Variants in LTBP1 observed in about 807,000 individuals in gnomAD.
LTBP1 encodes latent-transforming growth factor beta-binding protein 1.
LTBP1 carries 129 observed loss-of-function variants against 207.6 expected under a neutral mutation model. The ratio of observed to expected loss-of-function variants is 0.62; its 90% CI spans 0.54 to 0.72. LTBP1 has a LOEUF of 0.72. Ranked by LOEUF, LTBP1 falls within the 30% of genes least tolerant of loss-of-function variation. The pLI, the probability that LTBP1 is intolerant of heterozygous loss-of-function variation, is 0.00. For missense variants in LTBP1, 2,281 were observed against 2,217.2 expected (o/e 1.03, Z -0.58); for synonymous variants, 963 against 833.7 (o/e 1.16, Z -2.67).
intron 3 of LTBP1, among the ~76,000 whole-genome samples, chr2:33,084,041 G>A (rs1185836565): frequency 6.6e-6 from 1 of 152,158 alleles, no homozygotes; most frequent in Non-Finnish European, 1.5e-5. Context: ...TGCATTACAG[G>A]TGGAGGAATC....
At chr2:33,147,379 A>T (rs1279879871) in intron 5 of LTBP1, among the ~76,000 whole-genome samples, 1 of 152,174 alleles carries the variant, frequency 6.6e-6, no homozygotes, top group Non-Finnish European at 1.5e-5. Context: ...TTCTGGGTAG[A>T]GCCTGAGATT....
intron 3 of LTBP1, among the ~76,000 whole-genome samples, chr2:33,039,701 A>T (rs896139782): frequency 1.3e-5 from 2 of 152,220 alleles, no homozygotes; most frequent in African/African-American, 4.8e-5. Flanking sequence ...ATAGTCAATT[A>T]AATTAAATTG....
intron 3 of LTBP1, among the ~76,000 whole-genome samples, chr2:33,072,491 T>A (rs537099225): frequency 1.6e-4 from 24 of 152,274 alleles, no homozygotes; most frequent in African/African-American, 5.5e-4. Flanking sequence ...CCTTAGGACC[T>A]GCAATCAGAC....
intron 5 of LTBP1, among the ~76,000 whole-genome samples, chr2:33,158,888 G>A (rs2084223539): frequency 6.6e-6 from 1 of 152,142 alleles, no homozygotes; most frequent in Non-Finnish European, 1.5e-5. Context: ...TCAAAATGAT[G>A]CACAGAGTGT....
intron 12 of LTBP1, among the ~76,000 whole-genome samples, 194 bp from the exon 13 acceptor site, chr2:33,259,394 A>G (rs1271674094): frequency 6.6e-6 from 1 of 152,234 alleles, no homozygotes. Context: ...GAGGAGTAAC[A>G]GCACTGAGAG....
intron 22 of LTBP1, among the ~76,000 whole-genome samples, chr2:33,308,505 T>C (rs565557618): frequency 6.6e-6 from 1 of 152,288 alleles, no homozygotes; most frequent in South Asian, 2.1e-4. Context: ...TACTGTGAAA[T>C]TTACTATAAG....
At chr2:33,100,518 A>G (rs1031359455) in intron 3 of LTBP1, among the ~76,000 whole-genome samples, 1 of 149,134 alleles carries the variant, frequency 6.7e-6, no homozygotes, top group African/African-American at 2.5e-5. Context: ...TGCCTTTTTT[A>G]TGTAGTTTTA....
intron 6 of LTBP1, among the ~76,000 whole-genome samples, chr2:33,188,133 A>T (rs2148830461): frequency 6.6e-6 from 1 of 152,300 alleles, no homozygotes; most frequent in Middle Eastern, 3.4e-3. Flanking sequence ...AAGAATTGTG[A>T]TGGCTGGCTG....
chr2:32,990,631 A>C (rs1462681768), intron 2 of LTBP1, among the ~76,000 whole-genome samples: 2 of 152,232 alleles, frequency 1.3e-5, no homozygotes, highest in Non-Finnish European at 2.9e-5. Context: ...TTTCTAATGA[A>C]TGTTTGATAA....
chr2:33,256,731 T>C (rs1439735904), intron 11 of LTBP1, among the ~76,000 whole-genome samples: 13 of 6,624 alleles, frequency 2.0e-3, no homozygotes, highest in African/African-American at 5.8e-3. Context: ...TAACTATATA[T>C]ATATATATAT....
chr2:32,973,025 T>C (rs1681145913), intron 2 of LTBP1, among the ~76,000 whole-genome samples: 1 of 152,228 alleles, frequency 6.6e-6, no homozygotes, highest in Non-Finnish European at 1.5e-5. Context: ...ATTTTGGTTT[T>C]TTTGAATTTG....
intron 17 of LTBP1, among the ~76,000 whole-genome samples, chr2:33,275,350 G>C (rs918841225): frequency 1.3e-5 from 2 of 152,212 alleles, no homozygotes; most frequent in Admixed American, 6.5e-5. Context: ...ATCAAAACTG[G>C]ATGATTTTGA....
intron 20 of LTBP1, among the ~76,000 whole-genome samples, chr2:33,296,020 CCA>C (rs762794846): frequency 6.6e-6 from 1 of 152,114 alleles, no homozygotes; most frequent in Non-Finnish European, 1.5e-5. Context: ...TGGCTCACAT[CCA>C]CAGTTTCCTA....
intron 7 of LTBP1, among the ~76,000 whole-genome samples, chr2:33,192,173 G>A (rs887705954): frequency 6.6e-6 from 1 of 152,152 alleles, no homozygotes. Flanking sequence ...TTCTTGGCAG[G>A]CTATTGCACA....
intron 5 of LTBP1, among the ~76,000 whole-genome samples, chr2:33,176,181 T>G: frequency 6.6e-6 from 1 of 151,742 alleles, no homozygotes; most frequent in Middle Eastern, 3.4e-3. Context: ...AAATAGAAAA[T>G]AAATAAAAAG....
At chr2:33,353,060 C>T (rs2094805082) in intron 26 of LTBP1, among the ~76,000 whole-genome samples, 1 of 148,372 alleles carries the variant, frequency 6.7e-6, no homozygotes, top group East Asian at 2.0e-4. Flanking sequence ...CTCATCACAA[C>T]CTCCACCTTC....
At chr2:33,305,613 G>A (rs2094076655) in intron 22 of LTBP1, among the ~76,000 whole-genome samples, 1 of 152,168 alleles carries the variant, frequency 6.6e-6, no homozygotes, top group African/African-American at 2.4e-5. Context: ...ATATTTGAAG[G>A]AAGATATCTG....
chr2:33,379,197 T>C (rs2095182352), intron 31 of LTBP1, among the ~76,000 whole-genome samples: 3 of 43,170 alleles, frequency 6.9e-5, no homozygotes, highest in East Asian at 4.9e-4. Flanking sequence ...TTGCCATTGC[T>C]TTTTTTTTTT....
intron 2 of LTBP1, among the ~76,000 whole-genome samples, chr2:33,018,476 G>A (rs1688697456): frequency 6.6e-6 from 1 of 152,148 alleles, no homozygotes. Context: ...AAGGGCCTGG[G>A]TGGTGAGCTC....
Sources: allele counts gnomAD v4.1 joint callset (sites outside exome capture counted in the v4.1 genomes callset), GRCh38; gene constraint gnomAD v4.1.1; transcripts MANE v1.5; gene names NCBI Gene and HGNC (gene_info 2026-07-23, HGNC 2026-07-21).